Variants in SLC25A4 observed in about 807,000 individuals in gnomAD.
SLC25A4 encodes the protein ADP/ATP translocase 1.
In SLC25A4, 10 loss-of-function variants were observed where a neutral mutation model predicts 24.7. The observed-to-expected ratio is 0.41, with a 90% CI of 0.25 to 0.69. SLC25A4 has a LOEUF of 0.69. SLC25A4 is among the 30% of genes least tolerant of loss of function. SLC25A4 has a pLI of 0.35. For missense variants in SLC25A4, 273 were observed against 387.6 expected, an observed-to-expected ratio of 0.70 and a Z score of 2.48; for synonymous variants, 125 against 153.3, an observed-to-expected ratio of 0.82 and a Z score of 1.36.
At chr4:185,144,043 C>A (rs897135619) in intron 1 of SLC25A4, among the ~76,000 whole-genome samples, 3 of 152,146 alleles carry the variant, frequency 2.0e-5, no homozygotes, top group African/African-American at 7.2e-5. Context: ...CTCAGATCAT[C>A]CTGTCTCCAA....
At position 185,147,407 on chromosome 4, in the gene SLC25A4, T is replaced by C. The variant is rs910306102; in HGVS notation, c.*436T>C. On this transcript the variant is annotated 3_prime_UTR_variant, in exon 4 of 4. Coordinates refer to ENST00000281456, the MANE Select transcript of SLC25A4 (RefSeq NM_001151.4). The stretch of plus-strand genomic sequence containing the variant: ...TGCCAGATATTATATTGAGAATGTA[T>C]TATATGAGAACGTACAATGCTTAAA... The C allele has an allele frequency of 1.0e-5, 2 of 198,280 alleles. No homozygotes were observed. The highest frequency in any genetic ancestry group is 4.7e-5 in the African/African-American group (2 of 42,216). 12.3% of individuals were successfully genotyped at this position (198,280 alleles called of 1,614,324 possible).
At position 185,148,673 on chromosome 4, in the gene SLC25A4, G is replaced by C. The variant is rs1314861104; in HGVS notation, c.*1702G>C. On this transcript the variant is annotated 3_prime_UTR_variant, in exon 4 of 4. Transcript: ENST00000281456. ...AAGTCAGTTTTGGATTTGCTCCTCC[G>C]AGATTTGCGAGCCAGAGGAAAATAC... 3 of 152,114 alleles carry C rather than the reference G, an allele frequency of 2.0e-5. No individual in the cohort carries two copies. Among genetic ancestry groups the C allele is most frequent in the Non-Finnish European group, 2.9e-5 (2 of 68,030 alleles). 9.4% of individuals were successfully genotyped at this position (152,114 alleles called of 1,614,324 possible). A position where few individuals can be genotyped will look rare whatever the true frequency, so the allele number is the denominator to read the frequency against.
Position 185,145,618 on chromosome 4 carries a change from T to G in SLC25A4, c.599-141T>G. 1 of 1,022,400 alleles carries G rather than the reference T, an allele frequency of 9.8e-7. No homozygotes were observed. The highest frequency in any genetic ancestry group is 1.4e-6 in the Non-Finnish European group (1 of 691,430). 63.3% of individuals were successfully genotyped at this position (1,022,400 alleles called of 1,614,324 possible). A position where few individuals can be genotyped will look rare whatever the true frequency, so the allele number is the denominator to read the frequency against. ...GCCACCTTTGCTGTCTGCCTGGTCA[T>G]ATGTGAAGCACCTGCACAGGGGCAG... On this transcript the variant is annotated intron_variant, in intron 2 of 3. Coordinates refer to ENST00000281456, the MANE Select transcript of SLC25A4 (RefSeq NM_001151.4). This position sits in a 1 kb window ranked among gnomAD's most constrained non-coding sequence, Gnocchi z 5.5.
At chr4:185,144,480 C>T (rs766956512) in intron 1 of SLC25A4, among the ~76,000 whole-genome samples, 1 of 152,058 alleles carries the variant, frequency 6.6e-6, no homozygotes, top group Non-Finnish European at 1.5e-5. Flanking sequence ...AAATAAATGG[C>T]TATAGCTTTA....
Position 185,146,895 on chromosome 4 carries a change from C to T in SLC25A4, c.821C>T (p.Ala274Val). Reference protein sequence around the residue: ...DEGAKAFFKGAWSNVLRGMGG... With the variant: ...DEGAKAFFKGVWSNVLRGMGG... ...GGAGCCAAGGCCTTCTTCAAAGGTG[C>T]CTGGTCCAATGTGCTGAGAGGCATG... is the stretch of plus-strand genomic sequence containing the variant. Residue 274 changes from alanine to valine, a missense_variant, in exon 4 of 4, where the codon GCC becomes GTC. Coordinates refer to ENST00000281456, the MANE Select transcript of SLC25A4 (RefSeq NM_001151.4). The T allele has an allele frequency of 6.2e-7, 1 of 1,614,150 alleles. No homozygotes were observed. Among genetic ancestry groups the T allele is most frequent in the Non-Finnish European group, 8.5e-7 (1 of 1,180,016 alleles).
Position 185,149,462 on chromosome 4 carries a change from TGC to T in SLC25A4, c.*2492_*2493del, listed in dbSNP as rs1468410142. On this transcript the variant is annotated 3_prime_UTR_variant, in exon 4 of 4. Coordinates refer to ENST00000281456, the MANE Select transcript of SLC25A4 (RefSeq NM_001151.4). ...CGCTTCCTGCGAAGGTTACCTCTAA[TGC>T]ACGTTGCCCCAGGCCCTGCTGAGCT... The T allele has an allele frequency of 3.3e-5, 5 of 152,380 alleles. No individual in the cohort carries two copies. The highest frequency in any genetic ancestry group is 1.2e-4 in the African/African-American group (5 of 41,464). 9.4% of individuals were successfully genotyped at this position (152,380 alleles called of 1,614,324 possible). A position where few individuals can be genotyped will look rare whatever the true frequency, so the allele number is the denominator to read the frequency against.
chr4:185,146,786 G>A, intron 3 of SLC25A4, 28 bp from the exon 4 acceptor site: 1 of 1,613,976 alleles, frequency 6.2e-7, no homozygotes, highest in Non-Finnish European at 8.5e-7. Context: ...CAGCGTTACG[G>A]AGCCCTCACC....
In SLC25A4 at chr4:185,146,997, T is replaced by C. The variant is rs753397702; in HGVS notation, c.*26T>C. 6.9e-6 allele frequency: 11 copies of C among 1,597,896 alleles called. No homozygotes were observed. In the East Asian group the frequency reaches 2.0e-4, roughly 29 times the overall value. On this transcript the variant is annotated 3_prime_UTR_variant, in exon 4 of 4. Transcript: ENST00000281456. ...TGTAATTAAAACACAAGTTCACAGA[T>C]TTACAGTGAACTTGATCTACAAGTT...
Position 185,145,085 on chromosome 4 carries a change from G to C in SLC25A4, c.433G>C (p.Val145Leu). 6.2e-7 allele frequency: 1 copy of C among 1,613,640 alleles called. No homozygotes were observed. Among genetic ancestry groups the C allele is most frequent in the Non-Finnish European group, 8.5e-7 (1 of 1,179,612 alleles). The change falls in exon 2 of 4, where the codon GTG becomes CTG. Residue 145 changes from valine (V) to leucine (L), a missense_variant. Physicochemically the swap from Val to Leu is conservative, Grantham distance 32 (BLOSUM62 1). Transcript: ENST00000281456. This position sits in a 1 kb window ranked among gnomAD's most constrained non-coding sequence, Gnocchi z 5.5. The part of the protein sequence containing the change: ...DFARTRLAAD[V>L]GKGAAQREFH... The stretch of plus-strand genomic sequence containing the variant: ...TGCTAGGACCAGGTTGGCTGCTGAT[G>C]TGGGCAAGGGCGCCGCCCAGCGTGA...
chr4:185,145,782 G>A lies in SLC25A4; in HGVS notation c.622G>A (p.Val208Met), dbSNP rs779367539. The A allele has an allele frequency of 1.2e-6, 2 of 1,614,222 alleles. No individual in the cohort carries two copies. Among genetic ancestry groups the A allele is most frequent in the Admixed American group, 3.3e-5 (2 of 60,022 alleles). The change falls in exon 3 of 4, where the codon GTG (valine) becomes ATG (methionine). Residue 208 changes from valine (V) to methionine (M), a missense_variant. Coordinates refer to ENST00000281456, the MANE Select transcript of SLC25A4 (RefSeq NM_001151.4). The surrounding 1 kb of genome is among the most constrained non-coding windows in gnomAD (Gnocchi z 5.5). Reference protein sequence around the residue: ...AKGMLPDPKNVHIFVSWMIAQ... With the variant: ...AKGMLPDPKNMHIFVSWMIAQ... ...AGGGATGCTGCCTGACCCCAAGAAC[G>A]TGCACATTTTTGTGAGCTGGATGAT...
Position 185,145,344 on chromosome 4 carries a change from G to A in SLC25A4, c.598+94G>A. 6.3e-7 allele frequency: 1 copy of A among 1,578,196 alleles called. No homozygotes were observed. The highest frequency in any genetic ancestry group is 8.6e-7 in the Non-Finnish European group (1 of 1,160,998). Reference sequence around the variant, plus strand: ...AAAGGACCTGATATATATTGATCTTGTTTTTTCTAGTCTCTGGGATAATTG... The same window carrying A: ...AAAGGACCTGATATATATTGATCTTATTTTTTCTAGTCTCTGGGATAATTG... On this transcript the variant is annotated intron_variant, in intron 2 of 3. Transcript: ENST00000281456. This position sits in a 1 kb window ranked among gnomAD's most constrained non-coding sequence, Gnocchi z 5.5.
Position 185,146,974 on chromosome 4 carries a change from T to C in SLC25A4, c.*3T>C. ...ATGAGATCAAAAAATATGTCTAATG[T>C]AATTAAAACACAAGTTCACAGATTT... On this transcript the variant is annotated 3_prime_UTR_variant, in exon 4 of 4. Coordinates refer to ENST00000281456, the MANE Select transcript of SLC25A4 (RefSeq NM_001151.4). 6.2e-7 allele frequency: 1 copy of C among 1,613,178 alleles called. No individual in the cohort carries two copies. Among genetic ancestry groups the C allele is most frequent in the Non-Finnish European group, 8.5e-7 (1 of 1,179,226 alleles).
In SLC25A4 at chr4:185,149,125, C is replaced by T. The variant is rs1418997711; in HGVS notation, c.*2154C>T. ...CAGCACATGTGCAGTTAAGAGGCCT[C>T]CTGGATCCATTGTCCTCCTGTTGCT... On this transcript the variant is annotated 3_prime_UTR_variant, in exon 4 of 4. Coordinates refer to ENST00000281456, the MANE Select transcript of SLC25A4 (RefSeq NM_001151.4). 2.0e-5 allele frequency: 3 copies of T among 152,352 alleles called. No individual in the cohort carries two copies. The highest frequency in any genetic ancestry group is 4.4e-5 in the Non-Finnish European group (3 of 68,148). 9.4% of individuals were successfully genotyped at this position (152,352 alleles called of 1,614,324 possible). A position where few individuals can be genotyped will look rare whatever the true frequency, so the allele number is the denominator to read the frequency against.
At chr4:185,143,831 C>T (rs1269405288) in intron 1 of SLC25A4, among the ~76,000 whole-genome samples, 5 of 152,120 alleles carry the variant, frequency 3.3e-5, no homozygotes, top group Non-Finnish European at 5.9e-5. Flanking sequence ...GTATTTTTGG[C>T]ACCGTCTTAT....
At position 185,143,961 on chromosome 4, in the gene SLC25A4, G is replaced by T. The variant is rs1203199985; in HGVS notation, c.111+478G>T. 2.6e-5 allele frequency among the ~76,000 whole-genome samples: 4 copies of T among 152,326 alleles called. No individual in the cohort carries two copies. The South Asian group carries it at 8.3e-4, about 32-fold the overall frequency. ...CTTCATCTTTATGTAACCTCTGTGA[G>T]AGAGTTATTCTTCTCCATTTTACAG... is the stretch of plus-strand genomic sequence containing the variant. On this transcript the variant is annotated intron_variant, in intron 1 of 3. Coordinates refer to ENST00000281456, the MANE Select transcript of SLC25A4 (RefSeq NM_001151.4).
In SLC25A4 at chr4:185,146,882, T is replaced by G; in HGVS notation, c.808T>G (p.Phe270Val). 1 of 1,614,234 alleles carries G rather than the reference T, an allele frequency of 6.2e-7. No homozygotes were observed. The highest frequency in any genetic ancestry group is 8.5e-7 in the Non-Finnish European group (1 of 1,180,032). ...KIAKDEGAKA[F>V]FKGAWSNVLR... ...TGCAAAAGACGAAGGAGCCAAGGCCTTCTTCAAAGGTGCCTGGTCCAATGT... is the reference window on the plus strand; with the variant it reads ...TGCAAAAGACGAAGGAGCCAAGGCCGTCTTCAAAGGTGCCTGGTCCAATGT... The change falls in exon 4 of 4, where the codon TTC (phenylalanine) becomes GTC (valine). Residue 270 changes from phenylalanine to valine, a missense_variant. By Grantham distance (50) the Phe-to-Val change is conservative. Coordinates refer to ENST00000281456, the MANE Select transcript of SLC25A4 (RefSeq NM_001151.4).
rs904724839 is a variant in SLC25A4 at position 185,144,973 on chromosome 4, G to T, written c.321G>T (p.Lys107Asn). The T allele has an allele frequency of 6.2e-7, 1 of 1,613,074 alleles. No homozygotes were observed. The highest frequency in any genetic ancestry group is 1.3e-5 in the African/African-American group (1 of 74,532). The change falls in exon 2 of 4, where the codon AAG (lysine) becomes AAT (asparagine). Residue 107 changes from lysine to asparagine, a missense_variant. Physicochemically the swap from Lys to Asn is moderately conservative, Grantham distance 94. Transcript: ENST00000281456. ...TCTTAGGGGGTGTGGATCGGCATAA[G>T]CAGTTCTGGCGCTACTTTGCTGGTA... is the stretch of plus-strand genomic sequence containing the variant. ...QLFLGGVDRH[K>N]QFWRYFAGNL...
rs1579209366 is a variant in SLC25A4 at position 185,144,747 on chromosome 4, A to C, written c.112-17A>C. On this transcript the variant is annotated splice_polypyrimidine_tract_variant and intron_variant, in intron 1 of 3. Transcript: ENST00000281456. ...CTACCCTGCCTGTCCTCTGTCACCC[A>C]CCCTCCCCTCCACCAGGTCCAGCAT... 1 of 1,607,928 alleles carries C rather than the reference A, an allele frequency of 6.2e-7. No homozygotes were observed.
chr4:185,149,156 T>A lies in SLC25A4; in HGVS notation c.*2185T>A, dbSNP rs1371937470. On this transcript the variant is annotated 3_prime_UTR_variant, in exon 4 of 4. Transcript: ENST00000281456. ...TCCATTGTCCTCCTGTTGCTTTTCG[T>A]TCTAAGTGATCCAAACTCTATTGCT... The A allele has an allele frequency of 6.6e-6, 1 of 152,238 alleles. No individual in the cohort carries two copies. Among genetic ancestry groups the A allele is most frequent in the East Asian group, 1.9e-4 (1 of 5,200 alleles). 9.4% of individuals were successfully genotyped at this position (152,238 alleles called of 1,614,324 possible).
Sources: allele counts gnomAD v4.1 joint callset (sites outside exome capture counted in the v4.1 genomes callset), GRCh38; gene constraint gnomAD v4.1.1; non-coding constraint Gnocchi (gnomAD v3.1); transcripts MANE v1.5; gene names NCBI Gene and HGNC (gene_info 2026-07-23, HGNC 2026-07-21).